Variants in PLCB1 observed in about 807,000 individuals in gnomAD.
PLCB1 encodes 1-phosphatidylinositol 4,5-bisphosphate phosphodiesterase beta-1.
A neutral mutation model predicts 161.8 loss-of-function variants in PLCB1; 46 were observed. That is an observed-to-expected ratio of 0.28 (90% confidence interval 0.22 to 0.36). The LOEUF (loss-of-function observed/expected upper bound fraction) is 0.36. Ranked by LOEUF, PLCB1 falls within the 10% of genes least tolerant of loss-of-function variation. The pLI is 1.00. For missense variants in PLCB1, 1,016 were observed against 1,472.5 expected (o/e 0.69, Z 5.07); for synonymous variants, 517 against 503.7 (o/e 1.03, Z -0.35).
At chr20:8,792,018 T>C (rs771652339) in intron 31 of PLCB1, 1 of 152,554 alleles carries the variant, frequency 6.6e-6, no homozygotes, top group Non-Finnish European at 1.5e-5. Flanking sequence ...GTAACAGTGA[T>C]TAATTTAGTG....
At chr20:8,193,554 A>G (rs1316566219) in intron 2 of PLCB1, among the ~76,000 whole-genome samples, 3 of 152,056 alleles carry the variant, frequency 2.0e-5, no homozygotes, top group African/African-American at 7.2e-5. Flanking sequence ...AAAAAACAGA[A>G]TAAAAGTGTT....
chr20:8,386,182 G>A (rs1008939815), intron 3 of PLCB1, among the ~76,000 whole-genome samples: 1 of 152,116 alleles, frequency 6.6e-6, no homozygotes, highest in African/African-American at 2.4e-5. Context: ...GTTCTTAATG[G>A]CATCTAGAAT....
At chr20:8,340,462 G>T (rs1009528827) in intron 2 of PLCB1, among the ~76,000 whole-genome samples, 8 of 151,836 alleles carry the variant, frequency 5.3e-5, no homozygotes, top group Non-Finnish European at 8.8e-5. Flanking sequence ...TCGCTCTGTC[G>T]CCCAGGCTGG....
intron 3 of PLCB1, among the ~76,000 whole-genome samples, chr20:8,429,449 A>G (rs974424423): frequency 6.7e-6 from 1 of 149,810 alleles, no homozygotes; most frequent in Non-Finnish European, 1.5e-5. Flanking sequence ...TGGGTTATGA[A>G]TTCAATTTTG....
At chr20:8,221,881 AT>A (rs1979432133) in intron 2 of PLCB1, among the ~76,000 whole-genome samples, 1 of 152,168 alleles carries the variant, frequency 6.6e-6, no homozygotes, top group African/African-American at 2.4e-5. Context: ...ATAATTACTT[AT>A]GCTGAATTGA....
chr20:8,749,746 G>A (rs1462017446), intron 23 of PLCB1, among the ~76,000 whole-genome samples: 1 of 152,176 alleles, frequency 6.6e-6, no homozygotes, highest in Admixed American at 6.5e-5. Context: ...GTAACCTGCT[G>A]TTATTATGCA....
At chr20:8,804,777 G>C (rs1458600760) in intron 31 of PLCB1, among the ~76,000 whole-genome samples, 3 of 151,976 alleles carry the variant, frequency 2.0e-5, no homozygotes, top group Non-Finnish European at 4.4e-5. Context: ...ATCACCTGAG[G>C]TCAGAAGTTC....
At chr20:8,147,998 T>TA in intron 1 of PLCB1, among the ~76,000 whole-genome samples, 1 of 151,856 alleles carries the variant, frequency 6.6e-6, no homozygotes, top group East Asian at 1.9e-4. Flanking sequence ...TCAGCCTCCT[T>TA]TAGAAGTTTT....
At chr20:8,498,215 A>G (rs1390560304) in intron 3 of PLCB1, among the ~76,000 whole-genome samples, 1 of 152,114 alleles carries the variant, frequency 6.6e-6, no homozygotes, top group Non-Finnish European at 1.5e-5. Context: ...CACCTGCCCT[A>G]GCCTCCCAAG....
At chr20:8,484,150 C>T (rs980987383) in intron 3 of PLCB1, among the ~76,000 whole-genome samples, 2 of 152,128 alleles carry the variant, frequency 1.3e-5, no homozygotes, top group Admixed American at 6.5e-5. Context: ...CTCAGCCTCC[C>T]GAGTAGCTGG....
intron 2 of PLCB1, among the ~76,000 whole-genome samples, chr20:8,195,030 G>A (rs1040285893): frequency 1.3e-5 from 2 of 151,810 alleles, no homozygotes; most frequent in Admixed American, 1.3e-4. Context: ...TCATTTCTTT[G>A]GATTCCCTTC....
At chr20:8,631,241 T>C (rs1988579494) in intron 4 of PLCB1, among the ~76,000 whole-genome samples, 1 of 152,218 alleles carries the variant, frequency 6.6e-6, no homozygotes, top group Admixed American at 6.5e-5. Context: ...GTGATGCTAA[T>C]GCTGCTGGTC....
rs1467441458 is a variant in PLCB1, at chr20:8,765,362, A to G, written c.2930+4A>G. The stretch of plus-strand genomic sequence containing the variant: ...CCAAAAAGGACAGTAAGAAAAAGTA[A>G]GTTCAATGAATATTTTTAGTTGGTT... On this transcript the variant is annotated splice_donor_region_variant and intron_variant, in intron 26 of 31. Transcript: ENST00000338037. 2 of 1,592,508 alleles carry G rather than the reference A, an allele frequency of 1.3e-6. No individual in the cohort carries two copies. The highest frequency in any genetic ancestry group is 1.7e-6 in the Non-Finnish European group (2 of 1,166,176).
In PLCB1 at chr20:8,678,030, A is replaced by C. The variant is rs6039229; in HGVS notation, c.863-6902A>C. On this transcript the variant is annotated intron_variant, in intron 9 of 31. Coordinates refer to ENST00000338037, the MANE Select transcript of PLCB1 (RefSeq NM_015192.4). ...AGGCTCCAGAAAAGACTTCAAGAGA[A>C]TCTAACCAAGAGAACACTTGTTATA... 7.4e-3 allele frequency among the ~76,000 whole-genome samples: 1,126 copies of C among 152,352 alleles called. 15 individuals are homozygous for C. Among genetic ancestry groups the C allele is most frequent in the African/African-American group, 0.026 (1,077 of 41,580 alleles).
chr20:8,841,214 A>G (rs1009602879), intron 31 of PLCB1, among the ~76,000 whole-genome samples: 4 of 152,196 alleles, frequency 2.6e-5, no homozygotes, highest in African/African-American at 4.8e-5. Flanking sequence ...ACCATTTTCT[A>G]TGATTGCAAC....
intron 1 of PLCB1, among the ~76,000 whole-genome samples, chr20:8,147,236 C>A (rs2123026575): frequency 6.6e-6 from 1 of 152,294 alleles, no homozygotes; most frequent in South Asian, 2.1e-4. Flanking sequence ...AAGAGCCCAG[C>A]AATCTGTGTT....
intron 2 of PLCB1, among the ~76,000 whole-genome samples, chr20:8,335,514 A>C (rs1050586198): frequency 5.9e-5 from 9 of 152,054 alleles, no homozygotes; most frequent in African/African-American, 2.2e-4. Flanking sequence ...TATCTTTAGG[A>C]ACTTGATTCA....
intron 2 of PLCB1, among the ~76,000 whole-genome samples, chr20:8,205,448 A>G (rs952731980): frequency 2.0e-5 from 3 of 152,186 alleles, no homozygotes; most frequent in Non-Finnish European, 4.4e-5. Context: ...TGTCCATACT[A>G]TACTATAGGA....
At chr20:8,429,057 T>A (rs1299863540) in intron 3 of PLCB1, among the ~76,000 whole-genome samples, 1 of 152,170 alleles carries the variant, frequency 6.6e-6, no homozygotes, top group East Asian at 1.9e-4. Flanking sequence ...AGAGGAGGTT[T>A]ATTGTATGCA....
Sources: allele counts gnomAD v4.1 joint callset (sites outside exome capture counted in the v4.1 genomes callset), GRCh38; gene constraint gnomAD v4.1.1; transcripts MANE v1.5; gene names NCBI Gene and HGNC (gene_info 2026-07-23, HGNC 2026-07-21).